The following DLG2 variants were observed in gnomAD, a reference collection of about 807,000 sequenced individuals.
The protein encoded by DLG2 is discs large MAGUK scaffold protein 2.
Under a neutral mutation model 132.5 loss-of-function variants are expected in DLG2, and 45 were observed. The observed-to-expected ratio is 0.34, with a 90% CI of 0.27 to 0.44. The LOEUF is 0.44. Ranked by LOEUF, DLG2 falls within the 20% of genes least tolerant of loss-of-function variation. The pLI is 1.00. For synonymous variants in DLG2, 424 were observed against 419.6 expected (o/e 1.01, Z -0.13); for missense variants, 1,045 against 1,196.9 (o/e 0.87, Z 1.87).
intron 6 of DLG2, among the ~76,000 whole-genome samples, chr11:84,607,751 C>T (rs1359881590): frequency 1.3e-5 from 2 of 151,606 alleles, no homozygotes; most frequent in Admixed American, 1.3e-4. Context: ...AGTATTGATC[C>T]CCATATCTAA....
chr11:85,567,272 C>G (rs1422414904), intron 3 of DLG2, among the ~76,000 whole-genome samples: 4 of 152,166 alleles, frequency 2.6e-5, no homozygotes, highest in Non-Finnish European at 5.9e-5. Flanking sequence ...GTATTACCAT[C>G]TTAACCATAT....
chr11:85,290,759 C>A (rs548930126), intron 3 of DLG2, among the ~76,000 whole-genome samples: 1 of 152,142 alleles, frequency 6.6e-6, no homozygotes, highest in South Asian at 2.1e-4. Context: ...TAGGTGAGAG[C>A]TGAGAGAGCC....
intron 17 of DLG2, among the ~76,000 whole-genome samples, chr11:83,793,994 C>T (rs1186041538): frequency 6.6e-6 from 1 of 152,128 alleles, no homozygotes; most frequent in Non-Finnish European, 1.5e-5. Flanking sequence ...AAGGGACTGG[C>T]CCAAAGTCAT....
rs555211200 is a variant in DLG2 at position 85,256,323 on chromosome 11, C to T, written c.186+28897G>A. Among the ~76,000 whole-genome samples the T allele has an allele frequency of 3.1e-3, 478 of 152,232 alleles. 3 individuals are homozygous for T. Among genetic ancestry groups the T allele is most frequent in the Non-Finnish European group, 5.3e-3 (358 of 68,012 alleles). On this transcript the variant is annotated intron_variant, in intron 4 of 27. Coordinates refer to ENST00000376104, the MANE Select transcript of DLG2 (RefSeq NM_001142699.3). The stretch of plus-strand genomic sequence containing the variant: ...AGCCACTGGATGACCAAACTCCAGG[C>T]GAAGATCATCTTCCGACTCCATCTG...
chr11:83,764,909 G>A (rs1361103141), intron 18 of DLG2, among the ~76,000 whole-genome samples: 1 of 152,246 alleles, frequency 6.6e-6, no homozygotes, highest in African/African-American at 2.4e-5. Flanking sequence ...TCAGGCTGCA[G>A]AATGATAGGC....
intron 18 of DLG2, among the ~76,000 whole-genome samples, chr11:83,722,499 A>G (rs2153686723): frequency 1.3e-5 from 2 of 152,214 alleles, no homozygotes; most frequent in Middle Eastern, 6.8e-3. Context: ...GTGAGCTCCA[A>G]CTCTGAGGAA....
intron 17 of DLG2, among the ~76,000 whole-genome samples, chr11:83,814,100 AT>A (rs1308349428): frequency 2.0e-5 from 3 of 152,206 alleles, no homozygotes; most frequent in South Asian, 2.1e-4. Flanking sequence ...GACCAAAAAA[AT>A]ATTAGAACGT....
At chr11:84,821,823 T>C (rs767047274) in intron 6 of DLG2, among the ~76,000 whole-genome samples, 4 of 151,798 alleles carry the variant, frequency 2.6e-5, no homozygotes, top group Non-Finnish European at 4.4e-5. Flanking sequence ...TTACTGAATA[T>C]AGATAGGGCT....
chr11:84,797,342 C>A (rs1480378605), intron 6 of DLG2, among the ~76,000 whole-genome samples: 1 of 152,100 alleles, frequency 6.6e-6, no homozygotes, highest in Admixed American at 6.5e-5. Flanking sequence ...TATCTTCCTC[C>A]AATTTAAGGC....
chr11:85,214,134 G>C (rs1467637777), intron 4 of DLG2, among the ~76,000 whole-genome samples: 1 of 152,156 alleles, frequency 6.6e-6, no homozygotes, highest in Non-Finnish European at 1.5e-5. Context: ...GTCCCGTTGT[G>C]AGCCCCATAA....
chr11:84,984,020 C>T (rs567350531), intron 6 of DLG2, among the ~76,000 whole-genome samples: 2 of 152,236 alleles, frequency 1.3e-5, no homozygotes, highest in South Asian at 4.1e-4. Context: ...TGTTAAACAA[C>T]CAAACTTAAG....
chr11:83,689,041 G>T (rs1426684037), intron 18 of DLG2, among the ~76,000 whole-genome samples: 1 of 151,926 alleles, frequency 6.6e-6, no homozygotes, highest in Non-Finnish European at 1.5e-5. Context: ...CTCTCCTTAG[G>T]CTCTCAGTCC....
At chr11:85,617,065 G>C (rs1320767911) in intron 2 of DLG2, among the ~76,000 whole-genome samples, 2 of 152,176 alleles carry the variant, frequency 1.3e-5, no homozygotes, top group Non-Finnish European at 2.9e-5. Flanking sequence ...TATTTTGTCT[G>C]TTACTCAGTT....
intron 11 of DLG2, among the ~76,000 whole-genome samples, chr11:83,990,775 A>T (rs188325683): frequency 6.6e-6 from 1 of 152,180 alleles, no homozygotes; most frequent in Non-Finnish European, 1.5e-5. Context: ...ATTATTAAGC[A>T]TACTGGTCCT....
intron 18 of DLG2, among the ~76,000 whole-genome samples, chr11:83,663,456 A>T (rs933903884): frequency 3.9e-5 from 6 of 152,228 alleles, no homozygotes; most frequent in Non-Finnish European, 7.3e-5. Flanking sequence ...AAGGACATTC[A>T]TTCCCAAGAC....
intron 7 of DLG2, among the ~76,000 whole-genome samples, chr11:84,359,213 G>A (rs1352249881): frequency 6.6e-6 from 1 of 151,800 alleles, no homozygotes; most frequent in Non-Finnish European, 1.5e-5. Context: ...TTGGATTGAG[G>A]AACAAATATA....
At chr11:84,921,462 T>C (rs1347964799) in intron 6 of DLG2, among the ~76,000 whole-genome samples, 1 of 152,190 alleles carries the variant, frequency 6.6e-6, no homozygotes, top group Non-Finnish European at 1.5e-5. Flanking sequence ...TAAGATATTG[T>C]TAGTGAAGCT....
intron 9 of DLG2, among the ~76,000 whole-genome samples, chr11:84,145,957 C>G (rs895617370): frequency 2.0e-5 from 3 of 152,160 alleles, no homozygotes; most frequent in Admixed American, 2.0e-4. Flanking sequence ...AACTATATTT[C>G]TAACACACAC....
At position 83,698,129 on chromosome 11, in the gene DLG2, G is replaced by C. The variant is rs149265478; in HGVS notation, c.1826-64804C>G. On this transcript the variant is annotated intron_variant, in intron 18 of 27. Coordinates refer to ENST00000376104, the MANE Select transcript of DLG2 (RefSeq NM_001142699.3). ...CTATGATGAATAATGTCACAGGGTT[G>C]TGATGGGGAGTACATGAGATAATAG... 8.9e-4 allele frequency among the ~76,000 whole-genome samples: 136 copies of C among 152,348 alleles called. 1 individual carries two copies. The highest frequency in any genetic ancestry group is 8.5e-3 in the South Asian group (41 of 4,826).
Sources: gnomAD v4.1 joint callset for allele counts (sites outside exome capture counted in the v4.1 genomes callset) on GRCh38, gnomAD v4.1.1 for gene constraint, MANE v1.5 for transcripts, NCBI Gene and HGNC (gene_info 2026-07-23, HGNC 2026-07-21) for gene names.